Variants in TBC1D2B observed in about 807,000 individuals in gnomAD.
TBC1D2B encodes TBC1 domain family member 2B, also known as TBC1 domain family, member 2B.
TBC1D2B carries 64 observed loss-of-function variants against 100.8 expected under a neutral mutation model. That is an observed-to-expected ratio of 0.64 (90% CI 0.52 to 0.78). The LOEUF (loss-of-function observed/expected upper bound fraction) is 0.78. Among genes scored for constraint, TBC1D2B ranks in the 30% least tolerant of loss-of-function variants. The pLI is 0.00. For missense variants in TBC1D2B, 1,052 were observed against 1,218.4 expected (o/e 0.86, Z 2.03); for synonymous variants, 480 against 479.7 (o/e 1.00, Z -0.01).
chr15:78,001,781 G>A (rs759770806), intron 11 of TBC1D2B, 41 bp from the exon 12 acceptor site: 1 of 1,570,382 alleles, frequency 6.4e-7, no homozygotes, highest in Non-Finnish European at 8.6e-7. Flanking sequence ...GAAAAACCCT[G>A]TGGGTCCAGG....
At chr15:78,029,060 T>C (rs1193811430) in intron 4 of TBC1D2B, among the ~76,000 whole-genome samples, 1 of 90,270 alleles carries the variant, frequency 1.1e-5, no homozygotes, top group Admixed American at 1.0e-4. Context: ...GTGGTTATAA[T>C]TTTTTTTTTT....
chr15:78,032,488 C>A (rs1379555249), intron 3 of TBC1D2B, among the ~76,000 whole-genome samples: 1 of 150,414 alleles, frequency 6.6e-6, no homozygotes, highest in Non-Finnish European at 1.5e-5. Flanking sequence ...TTAAAAATGA[C>A]CAGGCATGCA....
intron 6 of TBC1D2B, among the ~76,000 whole-genome samples, chr15:78,018,293 T>C (rs1944104252): frequency 6.6e-6 from 1 of 152,186 alleles, no homozygotes; most frequent in South Asian, 2.1e-4. Flanking sequence ...TCCATATTCA[T>C]TGAGGTGGTT....
intron 4 of TBC1D2B, 24 bp from the exon 5 acceptor site, chr15:78,025,521 TTTATTA>T (rs201063233): frequency 2.9e-5 from 42 of 1,440,160 alleles, no homozygotes; most frequent in Non-Finnish European, 3.6e-5. Flanking sequence ...AAACTTGTAT[TTTATTA>T]TTATTATTAT....
At chr15:78,061,556 G>A (rs1006317834) in intron 1 of TBC1D2B, among the ~76,000 whole-genome samples, 2 of 150,290 alleles carry the variant, frequency 1.3e-5, no homozygotes, top group African/African-American at 4.9e-5. Context: ...CTGGGTGACA[G>A]AGCGAGACCC....
At chr15:78,076,472 C>G (rs537560417) in intron 1 of TBC1D2B, among the ~76,000 whole-genome samples, 1 of 152,192 alleles carries the variant, frequency 6.6e-6, no homozygotes, top group South Asian at 2.1e-4. Context: ...GCTAAATGCA[C>G]TCTGGCTCAC....
In TBC1D2B at chr15:78,009,097, A is replaced by T. The variant is rs753777914; in HGVS notation, c.2288T>A (p.Leu763His). 6.2e-7 allele frequency: 1 copy of T among 1,603,380 alleles called. No individual in the cohort carries two copies. The highest frequency in any genetic ancestry group is 2.2e-5 in the East Asian group (1 of 44,638). ...QGLNRLVAVA[L>H]LYLEQEDAFW... The stretch of plus-strand genomic sequence containing the variant: ...AGCATCTTCTTGTTCCAGGTACAGG[A>T]GGGCCACTGCCACCAACCTACAAGC... The change falls in exon 10 of 13, where the codon CTC becomes CAC. Residue 763 changes from leucine (L) to histidine (H), a missense_variant. By Grantham distance (99) the Leu-to-His change is moderately conservative. Transcript: ENST00000300584.
At chr15:78,073,844 C>T (rs1052919473) in intron 1 of TBC1D2B, among the ~76,000 whole-genome samples, 1 of 151,672 alleles carries the variant, frequency 6.6e-6, no homozygotes, top group Non-Finnish European at 1.5e-5. Flanking sequence ...GTGGCACGCG[C>T]CTATAGTCCC....
intron 6 of TBC1D2B, among the ~76,000 whole-genome samples, chr15:78,019,200 T>C (rs1001509673): frequency 3.9e-5 from 6 of 152,208 alleles, no homozygotes; most frequent in African/African-American, 1.4e-4. Context: ...AATGGTTCAA[T>C]GTTCCCTTTA....
chr15:78,054,106 C>A lies in TBC1D2B; in HGVS notation c.442G>T (p.Val148Phe), dbSNP rs2073370600. The stretch of plus-strand genomic sequence containing the variant: ...GGAGAGGTCCTGCTGTCCCACTTGA[C>A]CATGTCAAGACTGTTACAATATTCC... ...RWEYCNSLDMVKWDSRTSPTP... is the reference protein window; with the variant it reads ...RWEYCNSLDMFKWDSRTSPTP... The change falls in exon 2 of 13, where the codon GTC becomes TTC. Residue 148 changes from valine (V) to phenylalanine (F), a missense_variant. Physicochemically the swap from Val to Phe is conservative, Grantham distance 50. Coordinates refer to ENST00000300584, the MANE Select transcript of TBC1D2B (RefSeq NM_144572.2). 6.2e-7 allele frequency: 1 copy of A among 1,613,782 alleles called. No homozygotes were observed. The highest frequency in any genetic ancestry group is 1.7e-5 in the Admixed American group (1 of 59,984).
At chr15:78,013,585 T>C (rs1310164348) in intron 8 of TBC1D2B, among the ~76,000 whole-genome samples, 1 of 152,098 alleles carries the variant, frequency 6.6e-6, no homozygotes, top group Non-Finnish European at 1.5e-5. Context: ...ACTGAAAATA[T>C]GAAACGCATG....
rs757940812 is a variant in TBC1D2B, at chr15:78,003,406, T to G, written c.2473A>C (p.Thr825Pro). The G allele has an allele frequency of 5.2e-5, 84 of 1,613,548 alleles. No homozygotes were observed. The highest frequency in any genetic ancestry group is 7.1e-5 in the Non-Finnish European group (84 of 1,179,812). ...AGAAACCAGTTGAAAGTGATGAGAGTGTAGTCGACTTTGTACTGTTCAAAG... is the reference window on the plus strand; with the variant it reads ...AGAAACCAGTTGAAAGTGATGAGAGGGTAGTCGACTTTGTACTGTTCAAAG... ...GHFEQYKVDY[T>P]LITFNWFLVV... is the part of the protein sequence containing the mutation. Residue 825 changes from threonine (T) to proline (P), a missense_variant, in exon 11 of 13, where the codon ACT becomes CCT. Thr to Pro is a conservative substitution (Grantham distance 38). Around this residue, in one of 4 missense-constraint regions of TBC1D2B, gnomAD observed 373 missense variants for 464.9 expected, o/e 0.80. Coordinates refer to ENST00000300584, the MANE Select transcript of TBC1D2B (RefSeq NM_144572.2).
intron 3 of TBC1D2B, among the ~76,000 whole-genome samples, chr15:78,036,724 G>C (rs1335156150): frequency 2.6e-5 from 4 of 152,146 alleles, no homozygotes; most frequent in African/African-American, 9.7e-5. Context: ...ACAATAAATA[G>C]GTGCTGTTTT....
At chr15:78,039,404 GC>G (rs755463341) in intron 3 of TBC1D2B, among the ~76,000 whole-genome samples, 49 of 152,276 alleles carry the variant, frequency 3.2e-4, no homozygotes, top group Admixed American at 1.4e-3. Context: ...TTTCTACCAG[GC>G]CTGAGGGAGT....
intron 4 of TBC1D2B, 69 bp from the exon 5 acceptor site, chr15:78,025,566 G>T: frequency 1.6e-6 from 2 of 1,244,716 alleles, no homozygotes; most frequent in Non-Finnish European, 2.2e-6. Context: ...TCGGTCTGTC[G>T]CCCAGGCTGG....
rs1372924492 is a variant in TBC1D2B, at chr15:78,016,569, T to C, written c.1752A>G (p.Ala584=). 2 of 1,612,898 alleles carry C rather than the reference T, an allele frequency of 1.2e-6. No homozygotes were observed. Among genetic ancestry groups the C allele is most frequent in the South Asian group, 1.1e-5 (1 of 90,838 alleles). ...QVESQEQPEQ[A]FVKPHLVSEY... is the part of the protein sequence containing the mutation. ...ACCTGACAAGATGAGGTTTAACAAA[T>C]GCTTGCTCCGGCTGCTCTTGGCTCT... The change falls in exon 8 of 13, where the codon GCA becomes GCG. Residue 584 remains alanine (A), a synonymous_variant. Coordinates refer to ENST00000300584, the MANE Select transcript of TBC1D2B (RefSeq NM_144572.2).
chr15:78,052,036 T>G (rs1222894946), intron 2 of TBC1D2B, among the ~76,000 whole-genome samples: 2 of 152,206 alleles, frequency 1.3e-5, no homozygotes, highest in Non-Finnish European at 1.5e-5. Context: ...GCTCTTAGGT[T>G]AAAGTCCAAA....
At chr15:78,017,380 T>G (rs2072404527) in intron 7 of TBC1D2B, 1 of 153,988 alleles carries the variant, frequency 6.5e-6, no homozygotes, top group Admixed American at 6.5e-5. Context: ...CCTATTGGGT[T>G]CACAGAGGAG....
chr15:78,054,133 A>G lies in TBC1D2B; in HGVS notation c.415T>C (p.Trp139Arg), dbSNP rs1237212343. ...YWLQELQQKRWEYCNSLDMVK... is the reference protein window; with the variant it reads ...YWLQELQQKRREYCNSLDMVK... ...ATGTCAAGACTGTTACAATATTCCC[A>G]TCTCTTCTGCTGAAGCTCCTGTAAC... Residue 139 changes from tryptophan to arginine, a missense_variant, in exon 2 of 13, where the codon TGG becomes CGG. Trp to Arg is a moderately radical substitution (Grantham distance 101, BLOSUM62 -3). This residue lies in a region of TBC1D2B where 627 missense variants were observed against 646.1 expected (regional missense o/e 0.97). Coordinates refer to ENST00000300584, the MANE Select transcript of TBC1D2B (RefSeq NM_144572.2). The G allele has an allele frequency of 1.2e-6, 2 of 1,613,656 alleles. No homozygotes were observed. The highest frequency in any genetic ancestry group is 2.7e-5 in the African/African-American group (2 of 74,894).
Sources: allele counts gnomAD v4.1 joint callset (sites outside exome capture counted in the v4.1 genomes callset), GRCh38; gene constraint gnomAD v4.1.1; regional missense constraint gnomAD v4.1.1; transcripts MANE v1.5; gene names NCBI Gene and HGNC (gene_info 2026-07-23, HGNC 2026-07-21).